Variants in PTPRN2 observed in about 807,000 individuals in gnomAD.
PTPRN2 encodes the protein protein tyrosine phosphatase receptor type N2.
A neutral mutation model predicts 118.8 loss-of-function variants in PTPRN2; 74 were observed. That is an observed-to-expected ratio of 0.62 (90% CI 0.52 to 0.76). The LOEUF (loss-of-function observed/expected upper bound fraction) is 0.76. PTPRN2 is among the 30% of genes least tolerant of loss of function. The pLI, the probability that PTPRN2 is intolerant of heterozygous loss-of-function variation, is 0.00. For missense variants in PTPRN2, 1,481 were observed against 1,394.4 expected (o/e 1.06, Z -0.99); for synonymous variants, 641 against 608.0 (o/e 1.05, Z -0.80).
intron 9 of PTPRN2, among the ~76,000 whole-genome samples, chr7:158,117,730 C>T (rs1308356903): frequency 6.6e-6 from 1 of 151,920 alleles, no homozygotes; most frequent in East Asian, 1.9e-4. Flanking sequence ...TCAGCAGAAA[C>T]TTTGCAGAAC....
chr7:158,069,153 G>A (rs558517267), intron 11 of PTPRN2, among the ~76,000 whole-genome samples: 19 of 152,252 alleles, frequency 1.2e-4, no homozygotes, highest in African/African-American at 3.6e-4. Flanking sequence ...TGCCTGACAC[G>A]GTGGGTCTTA....
At chr7:158,463,487 T>A (rs1481624716) in intron 2 of PTPRN2, among the ~76,000 whole-genome samples, 5 of 151,968 alleles carry the variant, frequency 3.3e-5, no homozygotes, top group Admixed American at 3.3e-4. Flanking sequence ...ACCATCATCA[T>A]TACCATTACC....
At chr7:158,090,736 C>A (rs910100780) in intron 10 of PTPRN2, among the ~76,000 whole-genome samples, 1 of 152,162 alleles carries the variant, frequency 6.6e-6, no homozygotes, top group African/African-American at 2.4e-5. Context: ...AAGAGTTCTG[C>A]GTAAAAGGCC....
intron 12 of PTPRN2, among the ~76,000 whole-genome samples, chr7:157,844,601 G>A (rs1808666683): frequency 2.0e-5 from 3 of 152,304 alleles, no homozygotes; most frequent in Admixed American, 1.3e-4. Context: ...AGAAAGAGAA[G>A]GCCTTCCACA....
intron 12 of PTPRN2, among the ~76,000 whole-genome samples, chr7:157,748,361 T>A (rs1801161626): frequency 3.3e-5 from 5 of 150,110 alleles, no homozygotes; most frequent in Admixed American, 3.3e-4. Context: ...CCTGCGTCCC[T>A]GAGCTGTGAG....
intron 6 of PTPRN2, among the ~76,000 whole-genome samples, chr7:158,166,703 C>T (rs998398485): frequency 6.6e-6 from 1 of 152,200 alleles, no homozygotes; most frequent in African/African-American, 2.4e-5. Flanking sequence ...CTCTCACTGG[C>T]CACTGCGTTC....
chr7:158,010,506 A>G (rs1805964505), intron 11 of PTPRN2, among the ~76,000 whole-genome samples: 1 of 152,270 alleles, frequency 6.6e-6, no homozygotes, highest in African/African-American at 2.4e-5. Flanking sequence ...ACTTCTACAA[A>G]CATCAGTTCT....
chr7:157,733,941 C>G (rs867124315), intron 12 of PTPRN2, among the ~76,000 whole-genome samples: 1 of 40,688 alleles, frequency 2.5e-5, no homozygotes, highest in Non-Finnish European at 5.5e-5. Context: ...GTTACCCTTT[C>G]CCGTCCCATG....
chr7:158,114,054 G>A (rs1399436749), intron 9 of PTPRN2, among the ~76,000 whole-genome samples: 1 of 152,246 alleles, frequency 6.6e-6, no homozygotes, highest in Non-Finnish European at 1.5e-5. Flanking sequence ...GCCCAGGACA[G>A]TGTATTTAAA....
At chr7:158,042,226 C>G (rs1481095886) in intron 11 of PTPRN2, among the ~76,000 whole-genome samples, 1 of 152,138 alleles carries the variant, frequency 6.6e-6, no homozygotes, top group Non-Finnish European at 1.5e-5. Flanking sequence ...TTCCAAACGT[C>G]CAGAAAAAAG....
intron 2 of PTPRN2, among the ~76,000 whole-genome samples, chr7:158,401,591 T>C (rs534081691): frequency 5.4e-4 from 83 of 152,294 alleles, no homozygotes; most frequent in African/African-American, 1.9e-3. Flanking sequence ...TCCCAGGCAT[T>C]CTAGTGAAGA....
In PTPRN2 at chr7:158,333,209, G is replaced by A. The variant is rs1307324176; in HGVS notation, c.164-16277C>T. 1.7e-3 allele frequency among the ~76,000 whole-genome samples: 118 copies of A among 68,284 alleles called. 2 individuals carry two copies. Among genetic ancestry groups the A allele is most frequent in the Admixed American group, 2.2e-3 (14 of 6,434 alleles). 44.8% of individuals were successfully genotyped at this position (68,284 alleles called of 152,430 possible). On this transcript the variant is annotated intron_variant, in intron 2 of 22. Transcript: ENST00000389418. ...CCACACTCTCACCATAAGAGCTGTCGCCCGCAGACGTGACTCACACCCACA... is the reference window on the plus strand; with the variant it reads ...CCACACTCTCACCATAAGAGCTGTCACCCGCAGACGTGACTCACACCCACA...
chr7:158,237,927 C>A (rs113581593), intron 3 of PTPRN2, among the ~76,000 whole-genome samples: 2 of 152,142 alleles, frequency 1.3e-5, no homozygotes, highest in Non-Finnish European at 2.9e-5. Context: ...AGGAGTTGCC[C>A]GCAGCCCGGC....
At chr7:157,998,996 G>A (rs1805006925) in intron 11 of PTPRN2, among the ~76,000 whole-genome samples, 1 of 151,904 alleles carries the variant, frequency 6.6e-6, no homozygotes, top group Non-Finnish European at 1.5e-5. Flanking sequence ...CAGCAACAGT[G>A]ACCCCTACAG....
chr7:157,991,444 C>G (rs1804243800), intron 11 of PTPRN2, among the ~76,000 whole-genome samples: 1 of 152,230 alleles, frequency 6.6e-6, no homozygotes, highest in African/African-American at 2.4e-5. Context: ...GGAGTCCTGG[C>G]CCCACCCAGC....
chr7:158,305,304 T>C (rs1480935570), intron 3 of PTPRN2, among the ~76,000 whole-genome samples: 1 of 152,208 alleles, frequency 6.6e-6, no homozygotes, highest in Non-Finnish European at 1.5e-5. Context: ...ATCCAACGGA[T>C]ATTTTTAACA....
intron 11 of PTPRN2, among the ~76,000 whole-genome samples, chr7:157,933,469 A>C (rs1299134334): frequency 6.7e-6 from 1 of 148,236 alleles, no homozygotes; most frequent in Admixed American, 6.7e-5. Flanking sequence ...ACTCTGATTG[A>C]CAGTTTTAGA....
rs971837743 is a variant in PTPRN2 at position 157,874,995 on chromosome 7, G to A, written c.1788+23678C>T. ...GAGACACAGGCACACACAGGCAGAC[G>A]CAAACGTGCATGCACACAGACACAC... On this transcript the variant is annotated intron_variant, in intron 12 of 22. Transcript: ENST00000389418. The surrounding 1 kb of genome is among the most constrained non-coding windows in gnomAD (Gnocchi z 5.8). 4.0e-5 allele frequency among the ~76,000 whole-genome samples: 6 copies of A among 148,948 alleles called. No individual in the cohort carries two copies. Among genetic ancestry groups the A allele is most frequent in the African/African-American group, 7.5e-5 (3 of 40,262 alleles).
chr7:157,645,149 G>A (rs1449550734), intron 14 of PTPRN2, among the ~76,000 whole-genome samples: 2 of 152,252 alleles, frequency 1.3e-5, no homozygotes, highest in African/African-American at 2.4e-5. Context: ...GATGTTGCGT[G>A]GACGTGCCAC....
Sources: gnomAD v4.1 joint callset for allele counts (sites outside exome capture counted in the v4.1 genomes callset) on GRCh38, gnomAD v4.1.1 for gene constraint, Gnocchi (gnomAD v3.1) non-coding constraint, MANE v1.5 for transcripts, NCBI Gene and HGNC (gene_info 2026-07-23, HGNC 2026-07-21) for gene names.